Variants in NKAIN3 observed in about 807,000 individuals in gnomAD.
NKAIN3 encodes sodium/potassium-transporting ATPase subunit beta-1-interacting protein 3.
NKAIN3 carries 25 observed loss-of-function variants against 30.2 expected under a neutral mutation model. That is an observed-to-expected ratio of 0.83 (90% CI 0.60 to 1.16). NKAIN3 has a LOEUF of 1.16. Ranked by LOEUF, NKAIN3 falls within the 50% of genes most tolerant of loss-of-function variation. NKAIN3 has a pLI of 0.00. For missense variants in NKAIN3, 225 were observed against 254.1 expected (o/e 0.89, Z 0.78); for synonymous variants, 91 against 89.6 (o/e 1.02, Z -0.09).
downstream of NKAIN3, among the ~76,000 whole-genome samples, chr8:62,989,223 C>T (rs1056294309): frequency 2.6e-5 from 4 of 152,228 alleles, no homozygotes; most frequent in Non-Finnish European, 5.9e-5. Context: ...TCCAACATCA[C>T]TTCCACATTT....
chr8:62,599,216 C>T (rs1228583998), intron 3 of NKAIN3, among the ~76,000 whole-genome samples: 1 of 152,044 alleles, frequency 6.6e-6, no homozygotes, highest in Non-Finnish European at 1.5e-5. Context: ...GCCTGCCCTG[C>T]AGCAGGCATT....
At chr8:62,432,684 A>C (rs62511462) in intron 1 of NKAIN3, among the ~76,000 whole-genome samples, 16,517 of 152,154 alleles carry the variant, frequency 0.11, 1,271 homozygotes, top group East Asian at 0.38. Context: ...AGCCTGGATC[A>C]TGGAAATTAA....
chr8:62,428,277 T>C (rs1480111856), intron 1 of NKAIN3, among the ~76,000 whole-genome samples: 2 of 152,024 alleles, frequency 1.3e-5, no homozygotes, highest in East Asian at 1.9e-4. Flanking sequence ...ATATCTTGAC[T>C]ATTGTGAATG....
chr8:62,521,790 G>A (rs1808167672), intron 1 of NKAIN3, among the ~76,000 whole-genome samples: 1 of 152,136 alleles, frequency 6.6e-6, no homozygotes, highest in Non-Finnish European at 1.5e-5. Context: ...TCTAGAAACT[G>A]GCAAACATCT....
intron 5 of NKAIN3, among the ~76,000 whole-genome samples, chr8:62,918,966 T>C (rs541271963): frequency 3.6e-4 from 54 of 151,332 alleles, no homozygotes; most frequent in Middle Eastern, 3.4e-3. Context: ...AAAACTAAAA[T>C]TTACAACCTT....
intron 3 of NKAIN3, among the ~76,000 whole-genome samples, chr8:62,642,346 C>G (rs1812336299): frequency 6.6e-6 from 1 of 152,024 alleles, no homozygotes; most frequent in Non-Finnish European, 1.5e-5. Flanking sequence ...GGGCACAGTC[C>G]ATTACAAAGA....
intron 3 of NKAIN3, among the ~76,000 whole-genome samples, chr8:62,743,919 C>A (rs1237472924): frequency 6.6e-6 from 1 of 152,098 alleles, no homozygotes; most frequent in Non-Finnish European, 1.5e-5. Context: ...TTATGTCTAC[C>A]TTTAGACAAG....
chr8:62,593,412 T>C (rs1196349795), intron 3 of NKAIN3, among the ~76,000 whole-genome samples: 1 of 151,948 alleles, frequency 6.6e-6, no homozygotes, highest in African/African-American at 2.4e-5. Context: ...AGATTTAAGT[T>C]GCTTATTAGA....
chr8:62,372,511 C>A (rs768440753), intron 1 of NKAIN3, among the ~76,000 whole-genome samples: 8 of 151,824 alleles, frequency 5.3e-5, no homozygotes, highest in Non-Finnish European at 1.0e-4. Flanking sequence ...GACATTCATC[C>A]ATTTATCTGG....
chr8:62,277,551 TG>T (rs550221247), intron 1 of NKAIN3, among the ~76,000 whole-genome samples: 53 of 152,220 alleles, frequency 3.5e-4, no homozygotes, highest in Non-Finnish European at 6.2e-4. Flanking sequence ...ATAGCTTGTG[TG>T]GTATGAAAAT....
chr8:62,550,878 C>T (rs1428953675), intron 1 of NKAIN3, among the ~76,000 whole-genome samples: 1 of 152,168 alleles, frequency 6.6e-6, no homozygotes, highest in East Asian at 1.9e-4. Context: ...TAAATCCCAA[C>T]TCTGGTGTCC....
intron 1 of NKAIN3, among the ~76,000 whole-genome samples, chr8:62,485,282 A>G (rs915851919): frequency 6.6e-6 from 1 of 152,202 alleles, no homozygotes; most frequent in Non-Finnish European, 1.5e-5. Flanking sequence ...CTTAAGATCC[A>G]TTCTCGAGAG....
intron 1 of NKAIN3, among the ~76,000 whole-genome samples, chr8:62,262,127 TA>T (rs1409810758): frequency 7.2e-5 from 11 of 152,160 alleles, no homozygotes; most frequent in African/African-American, 2.7e-4. Context: ...AATGTGATTT[TA>T]AAAATGTAAT....
rs780527091 is a variant in NKAIN3 at position 62,968,569 on chromosome 8, A to G, written c.*3162A>G. On this transcript the variant is annotated 3_prime_UTR_variant, in exon 7 of 7. Transcript: ENST00000623646. ...TAAGAGATGGTGCAGCTCTAGATTC[A>G]ATAGCTCTCCTCAGAAGTGGCCCTG... Among the ~76,000 whole-genome samples, 10 of 152,308 alleles carry G rather than the reference A, an allele frequency of 6.6e-5. No homozygotes were observed. The South Asian group carries it at 1.9e-3, about 28-fold the overall frequency.
chr8:62,959,433 G>GGGGTGTGTGTGT (rs1554596787), intron 6 of NKAIN3, among the ~76,000 whole-genome samples: 1 of 143,154 alleles, frequency 7.0e-6, no homozygotes, highest in East Asian at 2.0e-4. Context: ...GACAAATCAG[G>GGGGTGTGTGTGT]GTGTGTGTGT....
chr8:62,315,277 A>G (rs1392564364), intron 1 of NKAIN3, among the ~76,000 whole-genome samples: 1 of 152,212 alleles, frequency 6.6e-6, no homozygotes. Flanking sequence ...AACTACAAGC[A>G]CAAATTGTAG....
chr8:62,643,378 A>T (rs946747302), intron 3 of NKAIN3, among the ~76,000 whole-genome samples: 1 of 152,144 alleles, frequency 6.6e-6, no homozygotes, highest in African/African-American at 2.4e-5. Context: ...TTGGCAACAT[A>T]TAAGTCTCCA....
At chr8:62,624,341 G>A (rs1811723341) in intron 3 of NKAIN3, among the ~76,000 whole-genome samples, 1 of 151,772 alleles carries the variant, frequency 6.6e-6, no homozygotes, top group Non-Finnish European at 1.5e-5. Flanking sequence ...TGGAGTTGCT[G>A]TGGTTCAAAC....
At chr8:62,891,673 A>G (rs1445164183) in intron 4 of NKAIN3, among the ~76,000 whole-genome samples, 1 of 152,204 alleles carries the variant, frequency 6.6e-6, no homozygotes, top group African/African-American at 2.4e-5. Context: ...CCTTTTGAAC[A>G]GAGACAAAAT....
Sources: gnomAD v4.1 joint callset for allele counts (sites outside exome capture counted in the v4.1 genomes callset) on GRCh38, gnomAD v4.1.1 for gene constraint, MANE v1.5 for transcripts, NCBI Gene and HGNC (gene_info 2026-07-23, HGNC 2026-07-21) for gene names.